The following KALRN variants were observed in gnomAD, a reference collection of about 807,000 sequenced individuals.
KALRN encodes the protein kalirin RhoGEF kinase, also known as kalirin.
In KALRN, 70 loss-of-function variants were observed where a neutral mutation model predicts 353.7. That is an observed-to-expected ratio of 0.20 (90% CI 0.16 to 0.24). KALRN has a LOEUF of 0.24. Ranked by LOEUF, KALRN falls within the 10% of genes least tolerant of loss-of-function variation. The probability of loss-of-function intolerance (pLI) is 1.00; values close to 1 mark genes in which losing one functional copy is unlikely to be tolerated. For missense variants in KALRN, 2,791 were observed against 3,756.7 expected, an observed-to-expected ratio of 0.74 and a Z score of 6.72; for synonymous variants, 1,391 against 1,434.8, an observed-to-expected ratio of 0.97 and a Z score of 0.69.
At chr3:124,477,970 T>C (rs983990948) in intron 27 of KALRN, among the ~76,000 whole-genome samples, 8 of 152,208 alleles carry the variant, frequency 5.3e-5, no homozygotes, top group Admixed American at 3.3e-4. Context: ...ACCTCTGCTA[T>C]AATAGAAGCC....
chr3:124,423,738 G>A (rs4274696), intron 15 of KALRN, among the ~76,000 whole-genome samples: 37,583 of 152,144 alleles, frequency 0.25, 5,104 homozygotes, highest in Middle Eastern at 0.43. Context: ...GAATGTGGTG[G>A]CACATGCCTG....
chr3:124,397,778 T>C (rs1230431961), intron 12 of KALRN, among the ~76,000 whole-genome samples: 1 of 152,220 alleles, frequency 6.6e-6, no homozygotes, highest in African/African-American at 2.4e-5. Context: ...CTCCTATTAC[T>C]TGACTGTGTT....
At chr3:124,349,536 C>T (rs1020701720) in intron 10 of KALRN, among the ~76,000 whole-genome samples, 15 of 152,094 alleles carry the variant, frequency 9.9e-5, no homozygotes, top group African/African-American at 1.4e-4. Flanking sequence ...CCCAGGGAAG[C>T]CAAAAGATTG....
intron 33 of KALRN, among the ~76,000 whole-genome samples, chr3:124,545,550 C>T (rs1367581810): frequency 6.6e-6 from 1 of 152,138 alleles, no homozygotes; most frequent in Admixed American, 6.5e-5. Context: ...ACATGACTGT[C>T]CTAGAGCCCA....
At chr3:124,327,071 G>A (rs927818878) in intron 7 of KALRN, among the ~76,000 whole-genome samples, 2 of 152,068 alleles carry the variant, frequency 1.3e-5, no homozygotes, top group African/African-American at 4.8e-5. Context: ...AATACACCAT[G>A]GTAGGAGTTT....
At chr3:124,106,233 A>T (rs536336702) in intron 1 of KALRN, among the ~76,000 whole-genome samples, 1 of 152,292 alleles carries the variant, frequency 6.6e-6, no homozygotes, top group Admixed American at 6.5e-5. Context: ...TTAGAAAATG[A>T]TTTTTAAGTA....
intron 3 of KALRN, among the ~76,000 whole-genome samples, chr3:124,236,985 G>A (rs2079854623): frequency 6.6e-6 from 1 of 152,224 alleles, no homozygotes; most frequent in Non-Finnish European, 1.5e-5. Flanking sequence ...CTGCATTCAT[G>A]AAGAGTGTAA....
chr3:124,385,104 G>T, intron 11 of KALRN, 68 bp downstream of exon 11: 3 of 1,408,778 alleles, frequency 2.1e-6, no homozygotes, highest in South Asian at 2.9e-5. Context: ...TAGTAAAATG[G>T]CCCTGAAGGT....
chr3:124,092,781 A>G (rs567189803), intron 1 of KALRN, among the ~76,000 whole-genome samples: 11 of 152,342 alleles, frequency 7.2e-5, no homozygotes, highest in Admixed American at 2.6e-4. Flanking sequence ...TATACTGGAG[A>G]AAGTGATTCC....
At chr3:124,492,310 G>T (rs2063251456) in intron 31 of KALRN, among the ~76,000 whole-genome samples, 1 of 152,212 alleles carries the variant, frequency 6.6e-6, no homozygotes. Flanking sequence ...GTGGAGCCAT[G>T]CTAGGTGAAC....
intron 1 of KALRN, among the ~76,000 whole-genome samples, chr3:124,183,611 C>A (rs544563031): frequency 6.6e-6 from 1 of 152,266 alleles, no homozygotes; most frequent in South Asian, 2.1e-4. Context: ...AGAGGGACAA[C>A]TGTGTGAGGA....
At chr3:124,134,270 T>G (rs2065662772) in intron 1 of KALRN, among the ~76,000 whole-genome samples, 1 of 151,878 alleles carries the variant, frequency 6.6e-6, no homozygotes, top group South Asian at 2.1e-4. Context: ...AACAAAAACA[T>G]AAAGTAGGGA....
intron 33 of KALRN, among the ~76,000 whole-genome samples, chr3:124,552,616 C>T (rs148664163): frequency 1.6e-4 from 25 of 152,234 alleles, no homozygotes; most frequent in East Asian, 1.2e-3. Flanking sequence ...AAGTCACATC[C>T]GTGGCCCTAC....
At chr3:124,532,013 G>A (rs922343322) in intron 33 of KALRN, among the ~76,000 whole-genome samples, 4 of 152,144 alleles carry the variant, frequency 2.6e-5, no homozygotes, top group African/African-American at 7.2e-5. Flanking sequence ...ACAATGGCCT[G>A]GTGAGTCTAG....
At chr3:124,513,471 A>G (rs941699760) in intron 33 of KALRN, among the ~76,000 whole-genome samples, 1 of 152,132 alleles carries the variant, frequency 6.6e-6, no homozygotes, top group Admixed American at 6.5e-5. Context: ...AGCGTTTGCC[A>G]CTGTGTGAGC....
intron 8 of KALRN, 133 bp downstream of exon 8, chr3:124,330,125 G>T: frequency 1.0e-6 from 1 of 991,748 alleles, no homozygotes; most frequent in Non-Finnish European, 1.4e-6. Flanking sequence ...TTTTTTTTTG[G>T]TGACATCTTT....
At chr3:124,157,039 T>C (rs1338974604) in intron 1 of KALRN, among the ~76,000 whole-genome samples, 2 of 152,236 alleles carry the variant, frequency 1.3e-5, no homozygotes. Context: ...AACCATTGTA[T>C]ATAATAGAGT....
chr3:124,338,792 C>T (rs1184334806), intron 9 of KALRN, among the ~76,000 whole-genome samples: 1 of 152,106 alleles, frequency 6.6e-6, no homozygotes, highest in Non-Finnish European at 1.5e-5. Flanking sequence ...TCCCTGCGAA[C>T]TTGCTTTATG....
intron 1 of KALRN, among the ~76,000 whole-genome samples, chr3:124,055,655 C>T (rs1181061934): frequency 6.6e-6 from 1 of 152,210 alleles, no homozygotes; most frequent in African/African-American, 2.4e-5. Flanking sequence ...GAGGTCCTCT[C>T]TGACAGACTC....
Sources: allele counts gnomAD v4.1 joint callset (sites outside exome capture counted in the v4.1 genomes callset), GRCh38; gene constraint gnomAD v4.1.1; transcripts MANE v1.5; gene names NCBI Gene and HGNC (gene_info 2026-07-23, HGNC 2026-07-21).